The following LCP2 variants were observed in gnomAD, a reference collection of about 807,000 sequenced individuals.
The protein encoded by LCP2 is 76 kDa tyrosine phosphoprotein.
Under a neutral mutation model 74.5 loss-of-function variants are expected in LCP2, and 29 were observed. That is an observed-to-expected ratio of 0.39 (90% CI 0.29 to 0.53). The LOEUF (loss-of-function observed/expected upper bound fraction) is 0.53. Ranked by LOEUF, LCP2 falls within the 20% of genes least tolerant of loss-of-function variation. LCP2 has a pLI of 0.72. For missense variants in LCP2, 604 were observed against 634.6 expected (o/e 0.95, Z 0.52); for synonymous variants, 228 against 229.5 (o/e 0.99, Z 0.06).
intron 9 of LCP2, 44 bp downstream of exon 9, chr5:170,266,965 T>C (rs1378229068): frequency 1.2e-6 from 2 of 1,611,610 alleles, no homozygotes; most frequent in East Asian, 2.2e-5. Flanking sequence ...GCTAGGGGAG[T>C]GCCTGGTGGG....
intron 3 of LCP2, among the ~76,000 whole-genome samples, chr5:170,286,538 T>C (rs952352701): frequency 2.0e-5 from 3 of 152,224 alleles, no homozygotes; most frequent in Admixed American, 6.5e-5. Flanking sequence ...TCACCAGCTA[T>C]ACGTAGCTAT....
chr5:170,274,470 C>T lies in LCP2; in HGVS notation c.287-132G>A, dbSNP rs931249705. On this transcript the variant is annotated intron_variant, in intron 5 of 20. Transcript: ENST00000046794. ...CCTGGCCTCCACCTACCTCCCACAC[C>T]CCTGCAGGTTTAGCCACTTACTGTC... 5 of 910,420 alleles carry T rather than the reference C, an allele frequency of 5.5e-6. No homozygotes were observed. In the African/African-American group the frequency reaches 6.5e-5, roughly 12 times the overall value. 56.4% of individuals were successfully genotyped at this position (910,420 alleles called of 1,614,324 possible). A position where few individuals can be genotyped will look rare whatever the true frequency, so the allele number is the denominator to read the frequency against.
chr5:170,271,061 A>T, intron 6 of LCP2, 144 bp from the exon 7 acceptor site: 2 of 668,282 alleles, frequency 3.0e-6, no homozygotes, highest in East Asian at 6.5e-5. Flanking sequence ...CATTTTACAG[A>T]TGAGGAATCT....
chr5:170,297,041 C>T (rs1419379488), intron 1 of LCP2, among the ~76,000 whole-genome samples: 2 of 152,220 alleles, frequency 1.3e-5, no homozygotes, highest in Non-Finnish European at 2.9e-5. Context: ...CAGGACACCA[C>T]GTCTCCCCTT....
Position 170,268,404 on chromosome 5 carries a change from G to T in LCP2, c.602C>A (p.Pro201Gln). The change falls in exon 8 of 21, where the codon CCA becomes CAA. Residue 201 changes from proline (P) to glutamine (Q), a missense_variant. Transcript: ENST00000046794. ...QRPMAALPPPPAGRNHSPLPP... is the reference protein window; with the variant it reads ...QRPMAALPPPQAGRNHSPLPP... ...GCCTACCGAGTGATTCCGGCCGGCT[G>T]GTGGGGGCGGGAGGGCGGCCATCGG... 1.3e-6 allele frequency: 1 copy of T among 780,540 alleles called. No individual in the cohort carries two copies. Among genetic ancestry groups the T allele is most frequent in the Non-Finnish European group, 1.7e-6 (1 of 593,858 alleles). The allele number at this position is 780,540 out of a possible 1,614,324, so 48.4% of individuals were successfully genotyped here. A position where few individuals can be genotyped will look rare whatever the true frequency, so the allele number is the denominator to read the frequency against.
At position 170,248,685 on chromosome 5, in the gene LCP2, G is replaced by A. The variant is rs538560828; in HGVS notation, c.*12C>T. 7.6e-6 allele frequency: 12 copies of A among 1,573,138 alleles called. No individual in the cohort carries two copies. The African/African-American group carries it at 7.7e-5, about 10-fold the overall frequency. On this transcript the variant is annotated 3_prime_UTR_variant, in exon 21 of 21. Coordinates refer to ENST00000046794, the MANE Select transcript of LCP2 (RefSeq NM_005565.5). ...AGGCAGGAGGACGGTTCATTTGCTC[G>A]GCTATAACTTGCTATGGGTACCCTG...
intron 2 of LCP2, among the ~76,000 whole-genome samples, chr5:170,290,980 GAA>G (rs1210035614): frequency 0.019 from 1,711 of 89,804 alleles, 38 homozygotes; most frequent in African/African-American, 0.072. Context: ...AAGAAAGAAA[GAA>G]AGAAAGAAAG....
chr5:170,263,986 G>A (rs998059369), intron 10 of LCP2, among the ~76,000 whole-genome samples: 2 of 152,182 alleles, frequency 1.3e-5, no homozygotes, highest in African/African-American at 4.8e-5. Context: ...AAGCACTCAG[G>A]ACACATAACA....
intron 3 of LCP2, among the ~76,000 whole-genome samples, chr5:170,286,487 A>G (rs547729950): frequency 1.3e-5 from 2 of 152,266 alleles, no homozygotes; most frequent in East Asian, 1.9e-4. Flanking sequence ...CATTTCTGCA[A>G]TCATAGAAAT....
At chr5:170,252,851 G>A (rs906102155) in intron 18 of LCP2, among the ~76,000 whole-genome samples, 1 of 152,166 alleles carries the variant, frequency 6.6e-6, no homozygotes, top group African/African-American at 2.4e-5. Flanking sequence ...GCAGTTAAGT[G>A]ACGAATCAAG....
At chr5:170,255,087 C>T (rs1178397681) in intron 17 of LCP2, among the ~76,000 whole-genome samples, 1 of 152,160 alleles carries the variant, frequency 6.6e-6, no homozygotes, top group African/African-American at 2.4e-5. Context: ...GTGTCTGGGA[C>T]TCAGATGGCT....
rs761352024 is a variant in LCP2, at chr5:170,262,627, A to G, written c.926+8T>C. 2 of 1,600,342 alleles carry G rather than the reference A, an allele frequency of 1.2e-6. No homozygotes were observed. The highest frequency in any genetic ancestry group is 2.2e-5 in the East Asian group (1 of 44,792). ...GAGTGACAAGCTCAAGCAACACCAG[A>G]CAATTACTTTGGCACAGGTGGCTTC... On this transcript the variant is annotated splice_region_variant and intron_variant, in intron 13 of 20. Coordinates refer to ENST00000046794, the MANE Select transcript of LCP2 (RefSeq NM_005565.5).
chr5:170,262,534 G>T, intron 13 of LCP2, 101 bp downstream of exon 13: 1 of 806,040 alleles, frequency 1.2e-6, no homozygotes, highest in Non-Finnish European at 2.0e-6. Context: ...CACCCTGCCC[G>T]GGAGCACCGA....
intron 10 of LCP2, among the ~76,000 whole-genome samples, chr5:170,264,723 G>A (rs1395012659): frequency 2.0e-5 from 3 of 152,018 alleles, no homozygotes; most frequent in Non-Finnish European, 2.9e-5. Flanking sequence ...TGCTTGACCC[G>A]AGGAGTTTGA....
chr5:170,277,475 C>T (rs1350126437), intron 3 of LCP2, among the ~76,000 whole-genome samples: 4 of 152,146 alleles, frequency 2.6e-5, no homozygotes, highest in East Asian at 1.9e-4. Flanking sequence ...AGGCTGGGCG[C>T]GGTGGCTCAC....
rs147950310 is a variant in LCP2 at position 170,255,623 on chromosome 5, G to A, written c.1150+903C>T. On this transcript the variant is annotated intron_variant, in intron 17 of 20. Transcript: ENST00000046794. ...TTCCCTAGTCATTTGATGCTCATTC[G>A]ACAAGCATTTTTAAAGTGCCTACCA... Among the ~76,000 whole-genome samples the A allele has an allele frequency of 3.8e-3, 586 of 152,210 alleles. 7 individuals carry two copies. The highest frequency in any genetic ancestry group is 0.013 in the African/African-American group (547 of 41,524).
intron 19 of LCP2, 186 bp from the exon 20 acceptor site, chr5:170,251,071 A>G (rs543035591): frequency 1.5e-4 from 84 of 545,616 alleles, no homozygotes; most frequent in African/African-American, 1.1e-3. Flanking sequence ...CCCATGTGTC[A>G]TGAGTTATTT....
intron 2 of LCP2, among the ~76,000 whole-genome samples, chr5:170,289,625 CT>C (rs1167030468): frequency 1.1e-5 from 1 of 92,872 alleles, no homozygotes; most frequent in Non-Finnish European, 2.2e-5. Flanking sequence ...CTTTTTCTTT[CT>C]TTCTTTCTTT....
Position 170,248,819 on chromosome 5 carries a change from C to A in LCP2, c.1480G>T (p.Asp494Tyr). ...LLGTGLRGKE[D>Y]FLSVSDIIDY... ...ATAATATCTGACACAGACAGAAAGTCCTGAAAGAGTCAAGATAGGGAGATG... is the reference window on the plus strand; with the variant it reads ...ATAATATCTGACACAGACAGAAAGTACTGAAAGAGTCAAGATAGGGAGATG... Residue 494 changes from aspartate to tyrosine, a missense_variant and splice_region_variant, in exon 21 of 21, where the codon GAC (aspartate) becomes TAC (tyrosine). Coordinates refer to ENST00000046794, the MANE Select transcript of LCP2 (RefSeq NM_005565.5). 1 of 1,611,662 alleles carries A rather than the reference C, an allele frequency of 6.2e-7. No homozygotes were observed. The highest frequency in any genetic ancestry group is 1.1e-5 in the South Asian group (1 of 90,804).
Sources: allele counts gnomAD v4.1 joint callset (sites outside exome capture counted in the v4.1 genomes callset), GRCh38; gene constraint gnomAD v4.1.1; transcripts MANE v1.5; gene names NCBI Gene and HGNC (gene_info 2026-07-23, HGNC 2026-07-21).